The following RUSC2 variants were observed in gnomAD, a reference collection of about 807,000 sequenced individuals.
The protein encoded by RUSC2 is AP-4 complex accessory subunit RUSC2.
Under a neutral mutation model 122.2 loss-of-function variants are expected in RUSC2, and 34 were observed. The ratio of observed to expected loss-of-function variants is 0.28; its 90% CI spans 0.21 to 0.37. The LOEUF (loss-of-function observed/expected upper bound fraction) is 0.37, where lower values mean the gene tolerates loss of function less well. Ranked by LOEUF, RUSC2 falls within the 10% of genes least tolerant of loss-of-function variation. The pLI is 1.00. For synonymous variants in RUSC2, 784 were observed against 790.0 expected, an observed-to-expected ratio of 0.99 and a Z score of 0.13; for missense variants, 1,747 against 1,952.4, an observed-to-expected ratio of 0.89 and a Z score of 1.98.
In RUSC2 at chr9:35,558,676, C is replaced by A; in HGVS notation, c.3341+109C>A. ...CCCTGGACAGACAGAAAGGGTGGAT[C>A]TGGAGGGTCCCCTCAGCCCGCTATG... On this transcript the variant is annotated intron_variant, in intron 8 of 11. Transcript: ENST00000361226. The surrounding 1 kb of genome is among the most constrained non-coding windows in gnomAD (Gnocchi z 4.3). The A allele has an allele frequency of 2.2e-6, 2 of 927,052 alleles. No homozygotes were observed. Among genetic ancestry groups the A allele is most frequent in the Non-Finnish European group, 3.5e-6 (2 of 577,822 alleles). The allele number at this position is 927,052 out of a possible 1,614,324, so 57.4% of individuals were successfully genotyped here.
rs769687928 is a variant in RUSC2, at chr9:35,556,290, T to C, written c.2843-18T>C. On this transcript the variant is annotated intron_variant, in intron 4 of 11. Coordinates refer to ENST00000361226, the MANE Select transcript of RUSC2 (RefSeq NM_014806.5). ...TGCACTGAGAGTTGCTCAGGATTGA[T>C]TTTTCTCTTCTTTCCAGGCCAAGCA... 5.6e-6 allele frequency: 9 copies of C among 1,613,056 alleles called. No homozygotes were observed. In the Admixed American group the frequency reaches 1.2e-4, roughly 21 times the overall value.
intron 1 of RUSC2, among the ~76,000 whole-genome samples, chr9:35,510,157 C>T (rs944190727): frequency 7.2e-5 from 11 of 152,108 alleles, no homozygotes; most frequent in African/African-American, 2.4e-4. Flanking sequence ...AAAAGTGGAG[C>T]TTAACCAAGA....
At chr9:35,495,778 G>T (rs2132487138) in intron 1 of RUSC2, among the ~76,000 whole-genome samples, 1 of 152,200 alleles carries the variant, frequency 6.6e-6, no homozygotes, top group South Asian at 2.1e-4. Context: ...CACCTCTAAT[G>T]ATAGCAAGTT....
At position 35,560,517 on chromosome 9, in the gene RUSC2, CGTG is replaced by C. The variant is rs773513611; in HGVS notation, c.3880_3882del (p.Gly1294del). ...CTCCATTGAGGGTTCCAGGTTCCCT[CGTG>C]GTAGCAGCAACAGCAGCAGCGAGAA... On this transcript the variant is annotated inframe_deletion, in exon 10 of 12. Coordinates refer to ENST00000361226, the MANE Select transcript of RUSC2 (RefSeq NM_014806.5). 3 of 1,614,114 alleles carry C rather than the reference CGTG, an allele frequency of 1.9e-6. No individual in the cohort carries two copies. The highest frequency in any genetic ancestry group is 2.5e-6 in the Non-Finnish European group (3 of 1,179,992).
chr9:35,525,373 A>T (rs2132523067), intron 1 of RUSC2, among the ~76,000 whole-genome samples: 1 of 152,348 alleles, frequency 6.6e-6, no homozygotes, highest in East Asian at 1.9e-4. Context: ...TTCTCCAGAA[A>T]TAAATCTCCA....
intron 1 of RUSC2, among the ~76,000 whole-genome samples, chr9:35,534,439 C>G (rs1381443078): frequency 6.6e-6 from 1 of 151,566 alleles, no homozygotes; most frequent in Admixed American, 6.6e-5. Flanking sequence ...CACACACACA[C>G]ACACACACAC....
intron 2 of RUSC2, among the ~76,000 whole-genome samples, chr9:35,553,070 C>T (rs556368103): frequency 1.2e-4 from 19 of 152,150 alleles, no homozygotes; most frequent in African/African-American, 3.6e-4. Context: ...CTTAAATAGG[C>T]GGAAAGGAAG....
At chr9:35,516,943 A>G (rs1821120688) in intron 1 of RUSC2, among the ~76,000 whole-genome samples, 1 of 152,240 alleles carries the variant, frequency 6.6e-6, no homozygotes, top group Non-Finnish European at 1.5e-5. Context: ...TATTTGAGGC[A>G]ATGGATATGT....
chr9:35,493,839 A>C (rs1820618007), intron 1 of RUSC2, among the ~76,000 whole-genome samples: 2 of 152,122 alleles, frequency 1.3e-5, no homozygotes, highest in Admixed American at 1.3e-4. Flanking sequence ...ATAATATTCC[A>C]TTGTATGTAT....
At chr9:35,515,433 ACAT>A (rs1211850787) in intron 1 of RUSC2, among the ~76,000 whole-genome samples, 5 of 152,126 alleles carry the variant, frequency 3.3e-5, no homozygotes, top group Non-Finnish European at 1.5e-5. Context: ...CCCACAGCTA[ACAT>A]CATCGATTGC....
Position 35,558,637 on chromosome 9 carries a change from C to T in RUSC2, c.3341+70C>T, listed in dbSNP as rs994600118. The T allele has an allele frequency of 4.6e-6, 6 of 1,295,360 alleles. No individual in the cohort carries two copies. Among genetic ancestry groups the T allele is most frequent in the South Asian group, 2.4e-5 (2 of 84,328 alleles). The allele number at this position is 1,295,360 out of a possible 1,614,324, so 80.2% of individuals were successfully genotyped here. A position where few individuals can be genotyped will look rare whatever the true frequency, so the allele number is the denominator to read the frequency against. ...CCCCCACCCCCGGGCTCTGCCTGCA[C>T]CAAGGAAACAACGCCCTGGACAGAC... On this transcript the variant is annotated intron_variant, in intron 8 of 11. Transcript: ENST00000361226. This position sits in a 1 kb window ranked among gnomAD's most constrained non-coding sequence, Gnocchi z 4.3.
intron 1 of RUSC2, among the ~76,000 whole-genome samples, chr9:35,493,578 AC>A (rs1820611709): frequency 6.6e-6 from 1 of 152,126 alleles, no homozygotes; most frequent in African/African-American, 2.4e-5. Context: ...ATCTTGGCTC[AC>A]TGCAACTTTT....
chr9:35,513,887 A>AT (rs1821054261), intron 1 of RUSC2, among the ~76,000 whole-genome samples: 1 of 117,302 alleles, frequency 8.5e-6, no homozygotes, highest in Admixed American at 1.0e-4. Flanking sequence ...GCTTTTGTAA[A>AT]TAGTGCTTCA....
In RUSC2 at chr9:35,530,959, G is replaced by A. The variant is rs140886361; in HGVS notation, c.-92-15471G>A. 8.6e-5 allele frequency among the ~76,000 whole-genome samples: 13 copies of A among 151,918 alleles called. No individual in the cohort carries two copies. The East Asian group carries it at 2.0e-3, about 23-fold the overall frequency. On this transcript the variant is annotated intron_variant, in intron 1 of 11. Coordinates refer to ENST00000361226, the MANE Select transcript of RUSC2 (RefSeq NM_014806.5). ...TGGCTGGTAGAAAGGAACTTTGAAC[G>A]CCACATTAAAGAATTTGGGGCTGGG...
Position 35,547,870 on chromosome 9 carries a change from A to C in RUSC2, c.1349A>C (p.Lys450Thr). ...CCCTCTGAGTATTACCTATTCCAGAAGCCAGAAGTCCAGCCAGAGGAACAA... is the reference window on the plus strand; with the variant it reads ...CCCTCTGAGTATTACCTATTCCAGACGCCAGAAGTCCAGCCAGAGGAACAA... ...SQPSEYYLFQKPEVQPEEQEA... is the reference protein window; with the variant it reads ...SQPSEYYLFQTPEVQPEEQEA... The change falls in exon 2 of 12, where the codon AAG becomes ACG. Residue 450 changes from lysine (K) to threonine (T), a missense_variant. Physicochemically the swap from Lys to Thr is moderately conservative, Grantham distance 78. Transcript: ENST00000361226. This position sits in a 1 kb window ranked among gnomAD's most constrained non-coding sequence, Gnocchi z 4.6. The C allele has an allele frequency of 6.2e-7, 1 of 1,614,254 alleles. No individual in the cohort carries two copies. Among genetic ancestry groups the C allele is most frequent in the Non-Finnish European group, 8.5e-7 (1 of 1,180,052 alleles).
chr9:35,527,746 T>C (rs547355390), intron 1 of RUSC2, among the ~76,000 whole-genome samples: 5 of 152,220 alleles, frequency 3.3e-5, no homozygotes. Flanking sequence ...ATCTTTAATT[T>C]TGAGAATTTT....
intron 1 of RUSC2, among the ~76,000 whole-genome samples, chr9:35,510,069 T>C (rs1296001783): frequency 6.6e-6 from 1 of 152,164 alleles, no homozygotes; most frequent in Non-Finnish European, 1.5e-5. Flanking sequence ...GTTTGTTAAT[T>C]GAAGTGAGTT....
intron 1 of RUSC2, among the ~76,000 whole-genome samples, chr9:35,518,134 G>A (rs568130227): frequency 6.6e-6 from 1 of 152,194 alleles, no homozygotes; most frequent in African/African-American, 2.4e-5. Context: ...AGGCTGCACT[G>A]TTGTTCTGAT....
chr9:35,558,191 C>G lies in RUSC2; in HGVS notation c.3061-6C>G. On this transcript the variant is annotated splice_polypyrimidine_tract_variant and splice_region_variant and intron_variant, in intron 6 of 11. Coordinates refer to ENST00000361226, the MANE Select transcript of RUSC2 (RefSeq NM_014806.5). This position sits in a 1 kb window ranked among gnomAD's most constrained non-coding sequence, Gnocchi z 4.3. Reference sequence around the variant, plus strand: ...GGTTTCCTGCACTTCCCTACCACACCTACAGGCAAAGCTGGGAAACAGTTC... The same window carrying G: ...GGTTTCCTGCACTTCCCTACCACACGTACAGGCAAAGCTGGGAAACAGTTC... 1 of 1,611,648 alleles carries G rather than the reference C, an allele frequency of 6.2e-7. No individual in the cohort carries two copies. The highest frequency in any genetic ancestry group is 8.5e-7 in the Non-Finnish European group (1 of 1,179,286).
Sources: allele counts gnomAD v4.1 joint callset (sites outside exome capture counted in the v4.1 genomes callset), GRCh38; gene constraint gnomAD v4.1.1; non-coding constraint Gnocchi (gnomAD v3.1); transcripts MANE v1.5; gene names NCBI Gene and HGNC (gene_info 2026-07-23, HGNC 2026-07-21).